The following HSDL2 variants were observed in gnomAD, a reference collection of about 807,000 sequenced individuals.
HSDL2 encodes the protein hydroxysteroid dehydrogenase like 2, also known as hydroxysteroid dehydrogenase-like protein 2.
Under a neutral mutation model 46.3 loss-of-function variants are expected in HSDL2, and 27 were observed. The ratio of observed to expected loss-of-function variants is 0.58; its 90% CI spans 0.43 to 0.80. HSDL2 has a LOEUF of 0.80. Among genes scored for constraint, HSDL2 ranks in the 30% least tolerant of loss-of-function variants. The pLI is 0.00. For missense variants in HSDL2, 451 were observed against 502.7 expected (o/e 0.90, Z 0.98); for synonymous variants, 153 against 163.6 (o/e 0.94, Z 0.50).
chr9:112,407,513 C>T (rs1394151849), intron 3 of HSDL2, among the ~76,000 whole-genome samples: 1 of 152,018 alleles, frequency 6.6e-6, no homozygotes, highest in Non-Finnish European at 1.5e-5. Flanking sequence ...GCCTCCTGGG[C>T]TCAGGTGATC....
chr9:112,416,791 A>G, intron 4 of HSDL2, 50 bp from the exon 5 acceptor site: 1 of 892,934 alleles, frequency 1.1e-6, no homozygotes, highest in Non-Finnish European at 1.8e-6. Flanking sequence ...AAAAGTGGAG[A>G]AATTGTTAGA....
chr9:112,403,960 G>A (rs201985874), intron 1 of HSDL2, 35 bp from the exon 2 acceptor site: 5 of 1,588,502 alleles, frequency 3.1e-6, no homozygotes, highest in African/African-American at 1.3e-5. Flanking sequence ...TAAAACATTG[G>A]GTCTTCTAAT....
rs1010769323 is a variant in HSDL2 at position 112,453,913 on chromosome 9, G to C, written c.866-100G>C. On this transcript the variant is annotated intron_variant, in intron 8 of 10. Transcript: ENST00000398805. ...CATTTAAAGTCATTTTGGTCAAATA[G>C]GTCTAATTGGTGGCAAGTCTGTCCT... 8 of 1,142,752 alleles carry C rather than the reference G, an allele frequency of 7.0e-6. No homozygotes were observed. The African/African-American group carries it at 1.3e-4, about 19-fold the overall frequency. The allele number at this position is 1,142,752 out of a possible 1,614,324, so 70.8% of individuals were successfully genotyped here. A position where few individuals can be genotyped will look rare whatever the true frequency, so the allele number is the denominator to read the frequency against.
Position 112,454,167 on chromosome 9 carries a change from G to C in HSDL2, c.1015+5G>C. The C allele has an allele frequency of 1.3e-6, 2 of 1,597,314 alleles. No homozygotes were observed. The highest frequency in any genetic ancestry group is 1.7e-6 in the Non-Finnish European group (2 of 1,175,386). The stretch of plus-strand genomic sequence containing the variant: ...TCTATCTGTTTGAACTCTCCGGTAA[G>C]GACTGCATCTGGTAATCTGAAGTTT... On this transcript the variant is annotated splice_donor_5th_base_variant and intron_variant, in intron 9 of 10. Transcript: ENST00000398805.
Position 112,380,142 on chromosome 9 carries a change from C to T in HSDL2, c.-22C>T. The T allele has an allele frequency of 6.4e-7, 1 of 1,566,044 alleles. No individual in the cohort carries two copies. ...CTCGCCGCCGCCGCTGTCGCCGCCACCTCCTCTGATCTACGAAAGTCATGT... is the reference window on the plus strand; with the variant it reads ...CTCGCCGCCGCCGCTGTCGCCGCCATCTCCTCTGATCTACGAAAGTCATGT... On this transcript the variant is annotated 5_prime_UTR_variant, in exon 1 of 11. Transcript: ENST00000398805.
At position 112,441,805 on chromosome 9, in the gene HSDL2, T is replaced by G. The variant is rs1022292050; in HGVS notation, c.865+35T>G. On this transcript the variant is annotated intron_variant, in intron 8 of 10. Coordinates refer to ENST00000398805, the MANE Select transcript of HSDL2 (RefSeq NM_032303.5). ...AGACTATATTTTATGTTAGAAAATA[T>G]AAATCCTAACTTATGTATTTCTTCC... 2.3e-6 allele frequency: 3 copies of G among 1,320,970 alleles called. No homozygotes were observed. In the African/African-American group the frequency reaches 4.4e-5, roughly 19 times the overall value. The allele number at this position is 1,320,970 out of a possible 1,614,324, so 81.8% of individuals were successfully genotyped here.
At chr9:112,387,946 C>T (rs981613395) in intron 1 of HSDL2, among the ~76,000 whole-genome samples, 3 of 152,068 alleles carry the variant, frequency 2.0e-5, no homozygotes, top group South Asian at 2.1e-4. Context: ...ATCGCTTGAG[C>T]CCAAGCATTC....
intron 4 of HSDL2, among the ~76,000 whole-genome samples, chr9:112,413,394 T>C (rs562248193): frequency 1.3e-5 from 2 of 151,992 alleles, no homozygotes; most frequent in Non-Finnish European, 2.9e-5. Flanking sequence ...GGAGAGTTGC[T>C]TGAACCCAAG....
chr9:112,469,183 G>T (rs1355764390), intron 10 of HSDL2, among the ~76,000 whole-genome samples: 1 of 151,898 alleles, frequency 6.6e-6, no homozygotes, highest in East Asian at 1.9e-4. Flanking sequence ...ACTCCATGAG[G>T]CTTTGCTATA....
intron 1 of HSDL2, among the ~76,000 whole-genome samples, chr9:112,396,155 C>A (rs1831452348): frequency 6.6e-6 from 1 of 152,126 alleles, no homozygotes; most frequent in South Asian, 2.1e-4. Context: ...ATTGTGCCAG[C>A]AAATCTCTAC....
chr9:112,469,107 G>A (rs1024414205), intron 10 of HSDL2, among the ~76,000 whole-genome samples: 7 of 152,138 alleles, frequency 4.6e-5, no homozygotes, highest in African/African-American at 1.7e-4. Context: ...CTGTCTTAAA[G>A]TAGGACACAG....
intron 8 of HSDL2, among the ~76,000 whole-genome samples, chr9:112,448,919 A>G (rs1436153370): frequency 6.6e-6 from 1 of 151,850 alleles, no homozygotes; most frequent in East Asian, 1.9e-4. Context: ...TCTTTTCTGA[A>G]GTTATTTCTT....
At chr9:112,397,267 A>G (rs979348813) in intron 1 of HSDL2, among the ~76,000 whole-genome samples, 4 of 152,128 alleles carry the variant, frequency 2.6e-5, no homozygotes, top group African/African-American at 4.8e-5. Context: ...CCCTGATCCA[A>G]TGCCTTCACA....
intron 9 of HSDL2, among the ~76,000 whole-genome samples, chr9:112,458,609 G>A (rs546929234): frequency 6.6e-6 from 1 of 152,086 alleles, no homozygotes; most frequent in Non-Finnish European, 1.5e-5. Flanking sequence ...TTACAGGTAT[G>A]AGCCACCATG....
At position 112,398,335 on chromosome 9, in the gene HSDL2, T is replaced by C. The variant is rs183446710; in HGVS notation, c.18-5660T>C. Among the ~76,000 whole-genome samples the C allele has an allele frequency of 3.3e-5, 5 of 152,016 alleles. No homozygotes were observed. In the East Asian group the frequency reaches 9.7e-4, roughly 29 times the overall value. ...GAATTACAGGTAAATTGTAGTTTGG[T>C]TCCGGAGCCATCAGATGGCTCCGGA... On this transcript the variant is annotated intron_variant, in intron 1 of 10. Coordinates refer to ENST00000398805, the MANE Select transcript of HSDL2 (RefSeq NM_032303.5).
chr9:112,392,796 A>G (rs957061322), intron 1 of HSDL2, among the ~76,000 whole-genome samples: 1 of 152,242 alleles, frequency 6.6e-6, no homozygotes, highest in African/African-American at 2.4e-5. Flanking sequence ...CAATTATCAC[A>G]GTGGTCCTGA....
intron 7 of HSDL2, 33 bp from the exon 8 acceptor site, chr9:112,441,666 C>T (rs549862689): frequency 1.4e-6 from 2 of 1,428,612 alleles, no homozygotes; most frequent in East Asian, 2.3e-5. Context: ...GTTGTAGTTA[C>T]ATTAACCTAA....
chr9:112,456,587 C>A (rs1833031890), intron 9 of HSDL2, among the ~76,000 whole-genome samples: 3 of 152,172 alleles, frequency 2.0e-5, no homozygotes, highest in African/African-American at 7.2e-5. Context: ...GCACTCTCGA[C>A]ACTCTATTCC....
chr9:112,446,161 T>A (rs1832756260), intron 8 of HSDL2, among the ~76,000 whole-genome samples: 1 of 152,086 alleles, frequency 6.6e-6, no homozygotes, highest in Admixed American at 6.6e-5. Context: ...TCTCTAGAGC[T>A]AGTGTAGTCA....
Sources: allele counts gnomAD v4.1 joint callset (sites outside exome capture counted in the v4.1 genomes callset), GRCh38; gene constraint gnomAD v4.1.1; transcripts MANE v1.5; gene names NCBI Gene and HGNC (gene_info 2026-07-23, HGNC 2026-07-21).